The following CROCC2 variants were observed in gnomAD, a reference collection of about 807,000 sequenced individuals.
The protein encoded by CROCC2 is ciliary rootlet coiled-coil protein 2.
A neutral mutation model predicts 177.6 loss-of-function variants in CROCC2; 163 were observed. The observed-to-expected ratio is 0.92, with a 90% CI of 0.81 to 1.05. The LOEUF is 1.05. CROCC2 is among the 50% of genes least tolerant of loss of function. The probability of loss-of-function intolerance (pLI) is 0.00; values close to 1 mark genes in which losing one functional copy is unlikely to be tolerated. For missense variants in CROCC2, 1,929 were observed against 1,797.8 expected (o/e 1.07, Z -1.32); for synonymous variants, 904 against 787.3 (o/e 1.15, Z -2.48).
intron 14 of CROCC2, among the ~76,000 whole-genome samples, chr2:240,943,427 C>G (rs951903250): frequency 2.7e-5 from 4 of 150,452 alleles, no homozygotes; most frequent in African/African-American, 9.8e-5. Context: ...TATATCTCTT[C>G]AATCTCATAA....
chr2:240,983,198 G>A, intron 28 of CROCC2, 169 bp downstream of exon 28: 1 of 845,994 alleles, frequency 1.2e-6, no homozygotes, highest in East Asian at 2.7e-5. Flanking sequence ...GCACCATCCA[G>A]TCCCCCGCTG....
intron 18 of CROCC2, 82 bp downstream of exon 18, chr2:240,950,592 G>A (rs754471572): frequency 2.8e-6 from 4 of 1,437,448 alleles, no homozygotes; most frequent in Admixed American, 2.3e-5. Context: ...GGCTGCATGT[G>A]GCCACACCTT....
chr2:240,936,047 C>A (rs138482559), intron 14 of CROCC2, among the ~76,000 whole-genome samples: 1 of 152,320 alleles, frequency 6.6e-6, no homozygotes, highest in East Asian at 1.9e-4. Context: ...TCCAATCCTG[C>A]CTCGTTCATC....
rs570671956 is a variant in CROCC2, at chr2:240,974,006, C to T, written c.4401+5744C>T. Among the ~76,000 whole-genome samples the T allele has an allele frequency of 8.5e-5, 13 of 152,302 alleles. No individual in the cohort carries two copies. The South Asian group carries it at 1.5e-3, about 17-fold the overall frequency. On this transcript the variant is annotated intron_variant, in intron 27 of 31. Coordinates refer to ENST00000690015, the MANE Select transcript of CROCC2 (RefSeq NM_001351305.2). Reference sequence around the variant, plus strand: ...TCTGCTTTCGTTTTCCATTTCTTCTCGGGTCAGTTTTGCCCTGTGGGAGTG... The same window carrying T: ...TCTGCTTTCGTTTTCCATTTCTTCTTGGGTCAGTTTTGCCCTGTGGGAGTG...
Position 240,933,248 on chromosome 2 carries a change from G to C in CROCC2, c.1369G>C (p.Glu457Gln). 6.5e-7 allele frequency: 1 copy of C among 1,549,138 alleles called. No individual in the cohort carries two copies. Among genetic ancestry groups the C allele is most frequent in the Non-Finnish European group, 8.7e-7 (1 of 1,146,690 alleles). ...GAAGCTCCAGCAGGAGCGGGCTCGG[G>C]AGCAGGCACGGGAACGAGAGGCTCT... ...AQKLQQERAR[E>Q]QAREREALRG... The change falls in exon 10 of 32, where the codon GAG becomes CAG. Residue 457 changes from glutamate (E) to glutamine (Q), a missense_variant. Glu to Gln is a conservative substitution (Grantham distance 29). Transcript: ENST00000690015.
chr2:240,946,094 T>C lies in CROCC2; in HGVS notation c.2204T>C (p.Leu735Pro). The change falls in exon 15 of 32, where the codon CTG becomes CCG. Residue 735 changes from leucine to proline, a missense_variant. By Grantham distance (98) the Leu-to-Pro change is moderately conservative (BLOSUM62 -3). Transcript: ENST00000690015. ...TCQKQALEEQ[L>P]AQSLQDQEAQ... ...CAGAAACAGGCCCTGGAGGAGCAGC[T>C]GGCTCAGAGCCTGCAGGACCAGGAG... is the stretch of plus-strand genomic sequence containing the variant. 6.5e-7 allele frequency: 1 copy of C among 1,529,858 alleles called. No homozygotes were observed. The highest frequency in any genetic ancestry group is 1.2e-5 in the South Asian group (1 of 82,930). The allele number at this position is 1,529,858 out of a possible 1,614,324, so 94.8% of individuals were successfully genotyped here. A position where few individuals can be genotyped will look rare whatever the true frequency, so the allele number is the denominator to read the frequency against.
In CROCC2 at chr2:240,949,508, G is replaced by A. The variant is rs914739384; in HGVS notation, c.2483-25G>A. On this transcript the variant is annotated intron_variant, in intron 16 of 31. Coordinates refer to ENST00000690015, the MANE Select transcript of CROCC2 (RefSeq NM_001351305.2). The surrounding 1 kb of genome is among the most constrained non-coding windows in gnomAD (Gnocchi z 4.5). The stretch of plus-strand genomic sequence containing the variant: ...TCAGGGGTCCACATGCCAGGCCCTG[G>A]TGCATCTCACCCATCACCCCACAGT... The A allele has an allele frequency of 1.3e-6, 2 of 1,547,806 alleles. No individual in the cohort carries two copies.
intron 1 of CROCC2, among the ~76,000 whole-genome samples, chr2:240,915,664 T>C (rs1168497043): frequency 7.2e-5 from 11 of 152,134 alleles, no homozygotes; most frequent in African/African-American, 2.7e-4. Context: ...GCTGTCCCTC[T>C]CCACACAACC....
At chr2:240,947,879 G>A (rs760403635) in intron 15 of CROCC2, among the ~76,000 whole-genome samples, 2 of 151,950 alleles carry the variant, frequency 1.3e-5, no homozygotes, top group South Asian at 4.2e-4. Flanking sequence ...GGTGGGCCAG[G>A]CCTCCAGTCC....
chr2:240,959,407 A>G lies in CROCC2; in HGVS notation c.3050A>G (p.Gln1017Arg), dbSNP rs10169006. The G allele has an allele frequency of 0.64, 992,354 of 1,550,130 alleles. 320,244 individuals carry two copies. Among genetic ancestry groups the G allele is most frequent in the African/African-American group, 0.82 (59,893 of 73,116 alleles). Residue 1017 changes from glutamine to arginine, a missense_variant, in exon 20 of 32, where the codon CAG (glutamine) becomes CGG (arginine). By Grantham distance (43) the Gln-to-Arg change is conservative. Around this residue, in one of 3 missense-constraint regions of CROCC2, gnomAD observed 1,397 missense variants for 1,239.9 expected, o/e 1.13. Coordinates refer to ENST00000690015, the MANE Select transcript of CROCC2 (RefSeq NM_001351305.2). The stretch of plus-strand genomic sequence containing the variant: ...ACCACGGCCCTACGCGAGAGCCTCC[A>G]GGACCTAGCGGCTGAGCGGGGCGAT... The part of the protein sequence containing the change: ...RETTALRESL[Q>R]DLAAERGDVE...
intron 3 of CROCC2, among the ~76,000 whole-genome samples, chr2:240,921,851 G>T (rs1055615484): frequency 3.3e-5 from 5 of 152,200 alleles, no homozygotes; most frequent in African/African-American, 1.2e-4. Context: ...CAGGCCTGCT[G>T]CCCTCCCCTC....
chr2:240,955,890 T>G lies in CROCC2; in HGVS notation c.2861T>G (p.Leu954Arg). The G allele has an allele frequency of 6.5e-7, 1 of 1,534,990 alleles. No individual in the cohort carries two copies. Residue 954 changes from leucine (L) to arginine (R), a missense_variant, in exon 19 of 32, where the codon CTT (leucine) becomes CGT (arginine). Leu to Arg is a moderately radical substitution (Grantham distance 102). Transcript: ENST00000690015. ...ALSLKETERS[L>R]LSEELSRARR... Reference sequence around the variant, plus strand: ...TCCCTGAAAGAAACAGAGCGGAGCCTTCTGAGTGAGGAGCTCTCCAGGGCC... The same window carrying G: ...TCCCTGAAAGAAACAGAGCGGAGCCGTCTGAGTGAGGAGCTCTCCAGGGCC...
rs1274068983 is a variant in CROCC2 at position 240,912,741 on chromosome 2, A to G, written c.79-5985A>G. On this transcript the variant is annotated intron_variant, in intron 1 of 31. Transcript: ENST00000690015. ...AGCTCCTCTCCCCTCCCCAGATGTC[A>G]GGGTGTGGGGCTGAAAGCACCAACG... 2.0e-5 allele frequency among the ~76,000 whole-genome samples: 3 copies of G among 152,332 alleles called. No individual in the cohort carries two copies. In the East Asian group the frequency reaches 5.8e-4, roughly 29 times the overall value.
intron 1 of CROCC2, among the ~76,000 whole-genome samples, chr2:240,911,296 C>CATTT (rs1553653997): frequency 8.1e-6 from 1 of 123,076 alleles, no homozygotes; most frequent in Non-Finnish European, 1.6e-5. Context: ...ACGTCCACAA[C>CATTT]TTTTTTTTTT....
At chr2:240,939,051 G>A (rs2106464728) in intron 14 of CROCC2, among the ~76,000 whole-genome samples, 1 of 152,150 alleles carries the variant, frequency 6.6e-6, no homozygotes, top group South Asian at 2.1e-4. Context: ...TTGAATATAA[G>A]TGGTGAGAGT....
At position 240,930,368 on chromosome 2, in the gene CROCC2, G is replaced by A. The variant is rs78554919; in HGVS notation, c.749+99G>A. On this transcript the variant is annotated intron_variant, in intron 6 of 31. Transcript: ENST00000690015. The stretch of plus-strand genomic sequence containing the variant: ...ATCGGTGCCCAGGGCGGGCTCTCCC[G>A]TGGGTGCAGTAGCCCTGGCCTGCCG... The A allele has an allele frequency of 3.3e-3, 1,469 of 447,838 alleles. 16 individuals carry two copies. Among genetic ancestry groups the A allele is most frequent in the African/African-American group, 0.025 (1,240 of 49,088 alleles). The allele number at this position is 447,838 out of a possible 1,614,324, so 27.7% of individuals were successfully genotyped here.
chr2:240,944,935 T>A (rs1327145327), intron 14 of CROCC2, among the ~76,000 whole-genome samples: 1 of 152,046 alleles, frequency 6.6e-6, no homozygotes, highest in Non-Finnish European at 1.5e-5. Flanking sequence ...GTTCTTGTTG[T>A]TGTTTGTTTG....
chr2:240,983,543 G>GGGGA (rs1428861758), intron 28 of CROCC2: 2 of 1,273,354 alleles, frequency 1.6e-6, no homozygotes, highest in African/African-American at 3.2e-5. Context: ...GCGTCTGCAG[G>GGGGA]GGGAGCTCGC....
At chr2:240,927,871 G>A (rs868735261) in intron 5 of CROCC2, among the ~76,000 whole-genome samples, 2 of 152,222 alleles carry the variant, frequency 1.3e-5, no homozygotes, top group Middle Eastern at 3.2e-3. Flanking sequence ...GGCTGGTCTC[G>A]AACTCCTGAC....
Sources: allele counts gnomAD v4.1 joint callset (sites outside exome capture counted in the v4.1 genomes callset), GRCh38; gene constraint gnomAD v4.1.1; regional missense constraint gnomAD v4.1.1; non-coding constraint Gnocchi (gnomAD v3.1); transcripts MANE v1.5; gene names NCBI Gene and HGNC (gene_info 2026-07-23, HGNC 2026-07-21).